NRXN3: variants seen among roughly 807,000 people sequenced by gnomAD.
NRXN3 encodes the protein neurexin III.
A neutral mutation model predicts 137.6 loss-of-function variants in NRXN3; 32 were observed. The observed-to-expected ratio is 0.23, with a 90% confidence interval of 0.18 to 0.31. NRXN3 has a LOEUF of 0.31. Among genes scored for constraint, NRXN3 ranks in the 10% least tolerant of loss-of-function variants. The pLI is 1.00. For synonymous variants in NRXN3, 798 were observed against 784.5 expected (o/e 1.02, Z -0.29); for missense variants, 1,574 against 2,062.5 (o/e 0.76, Z 4.59).
chr14:78,216,192 A>AT (rs77589968), intron 1 of NRXN3, among the ~76,000 whole-genome samples: 29,682 of 150,340 alleles, frequency 0.2, 3,115 homozygotes, highest in East Asian at 0.34. Flanking sequence ...TCAAAGACAG[A>AT]TTTTTTTTTT....
chr14:79,805,262 AT>A, intron 20 of NRXN3, 72 bp downstream of exon 20: 1 of 1,037,340 alleles, frequency 9.6e-7, no homozygotes, highest in Non-Finnish European at 1.5e-6. Flanking sequence ...CATATATGTG[AT>A]TATACATGTG....
At chr14:79,646,391 C>T (rs221464) in intron 16 of NRXN3, among the ~76,000 whole-genome samples, 67,732 of 133,874 alleles carry the variant, frequency 0.51, 25,648 homozygotes, top group African/African-American at 0.83. Context: ...ATCAAAATTA[C>T]AATTTCATTT....
At chr14:79,078,334 T>A (rs1220456709) in intron 15 of NRXN3, among the ~76,000 whole-genome samples, 11 of 152,154 alleles carry the variant, frequency 7.2e-5, no homozygotes, top group Admixed American at 7.2e-4. Flanking sequence ...TGACAGCAGA[T>A]CTGTGGTGGT....
At chr14:78,473,522 C>G (rs1481789355) in intron 4 of NRXN3, among the ~76,000 whole-genome samples, 1 of 152,136 alleles carries the variant, frequency 6.6e-6, no homozygotes, top group Admixed American at 6.5e-5. Flanking sequence ...TGGCCACAGA[C>G]AGAGTCCTAA....
intron 8 of NRXN3, among the ~76,000 whole-genome samples, chr14:78,790,307 T>C (rs1336540836): frequency 6.6e-6 from 1 of 152,180 alleles, no homozygotes; most frequent in South Asian, 2.1e-4. Context: ...TCAATCCAAA[T>C]TGTTGTCATC....
chr14:78,206,848 A>G (rs1442421788), intron 1 of NRXN3, among the ~76,000 whole-genome samples: 1 of 151,734 alleles, frequency 6.6e-6, no homozygotes, highest in Non-Finnish European at 1.5e-5. Flanking sequence ...CTGTTTTGCC[A>G]CATCGGACAT....
At chr14:79,249,952 C>T (rs1488369060) in intron 15 of NRXN3, among the ~76,000 whole-genome samples, 3 of 152,146 alleles carry the variant, frequency 2.0e-5, no homozygotes, top group African/African-American at 2.4e-5. Context: ...TATTAATGTT[C>T]TTATGCTAAC....
intron 16 of NRXN3, among the ~76,000 whole-genome samples, chr14:79,624,523 G>T (rs1322728561): frequency 6.6e-6 from 1 of 151,968 alleles, no homozygotes; most frequent in Non-Finnish European, 1.5e-5. Context: ...TACCTTTGTT[G>T]TCATAACGGC....
intron 20 of NRXN3, among the ~76,000 whole-genome samples, chr14:79,839,362 G>C (rs2099350957): frequency 6.6e-6 from 1 of 152,028 alleles, no homozygotes; most frequent in Non-Finnish European, 1.5e-5. Context: ...GAAATGTGAT[G>C]CTCTTCAACA....
intron 15 of NRXN3, among the ~76,000 whole-genome samples, chr14:79,255,697 T>C (rs1316797570): frequency 6.6e-6 from 1 of 152,250 alleles, no homozygotes; most frequent in Non-Finnish European, 1.5e-5. Flanking sequence ...TGGTGCTACA[T>C]AGCGAGGATT....
intron 4 of NRXN3, among the ~76,000 whole-genome samples, chr14:78,572,310 T>C (rs1351297857): frequency 6.6e-6 from 1 of 152,204 alleles, no homozygotes; most frequent in African/African-American, 2.4e-5. Context: ...TCTTGCTTGC[T>C]CTTCTGTGTG....
intron 15 of NRXN3, among the ~76,000 whole-genome samples, chr14:79,210,495 C>G (rs1312427462): frequency 6.6e-6 from 1 of 152,170 alleles, no homozygotes; most frequent in Non-Finnish European, 1.5e-5. Context: ...GTGCAACTAA[C>G]ACTCTGGTTT....
chr14:79,770,633 A>G (rs1040107904), intron 19 of NRXN3, among the ~76,000 whole-genome samples: 5 of 150,792 alleles, frequency 3.3e-5, no homozygotes, highest in Non-Finnish European at 7.4e-5. Flanking sequence ...CAGTGTGTAG[A>G]GGGAAATTTA....
At chr14:78,466,898 T>C (rs1442261368) in intron 4 of NRXN3, among the ~76,000 whole-genome samples, 1 of 152,132 alleles carries the variant, frequency 6.6e-6, no homozygotes, top group Admixed American at 6.5e-5. Flanking sequence ...AGGTAAGAAA[T>C]AATACCTGGT....
intron 1 of NRXN3, among the ~76,000 whole-genome samples, chr14:78,222,753 C>T (rs2063999652): frequency 6.6e-6 from 1 of 152,122 alleles, no homozygotes; most frequent in Non-Finnish European, 1.5e-5. Context: ...CACATCAGAC[C>T]TACACTTTTT....
At chr14:79,591,562 T>C (rs1453399810) in intron 16 of NRXN3, among the ~76,000 whole-genome samples, 2 of 152,174 alleles carry the variant, frequency 1.3e-5, no homozygotes, top group African/African-American at 2.4e-5. Flanking sequence ...TTCAGAGAGA[T>C]GATTTATTAG....
At chr14:79,349,050 C>G (rs1598997086) in intron 15 of NRXN3, among the ~76,000 whole-genome samples, 1 of 152,034 alleles carries the variant, frequency 6.6e-6, no homozygotes, top group Admixed American at 6.6e-5. Context: ...TTATCATTAC[C>G]TAAATTAGCA....
At chr14:78,612,115 C>G (rs1038056455) in intron 4 of NRXN3, among the ~76,000 whole-genome samples, 1 of 152,230 alleles carries the variant, frequency 6.6e-6, no homozygotes, top group African/African-American at 2.4e-5. Flanking sequence ...GAGGACATCA[C>G]TGATGGACTT....
At chr14:79,458,444 T>C (rs534406485) in intron 15 of NRXN3, among the ~76,000 whole-genome samples, 1 of 152,288 alleles carries the variant, frequency 6.6e-6, no homozygotes, top group African/African-American at 2.4e-5. Context: ...TATATTCTTA[T>C]TCCTTTATTC....
Sources: allele counts gnomAD v4.1 joint callset (sites outside exome capture counted in the v4.1 genomes callset), GRCh38; gene constraint gnomAD v4.1.1; transcripts MANE v1.5; gene names NCBI Gene and HGNC (gene_info 2026-07-23, HGNC 2026-07-21).